STAM: variants seen among roughly 807,000 people sequenced by gnomAD.
STAM encodes signal transducing adapter molecule 1.
In STAM, 16 loss-of-function variants were observed where a neutral mutation model predicts 63.4. That is an observed-to-expected ratio of 0.25 (90% CI 0.17 to 0.38). The LOEUF (loss-of-function observed/expected upper bound fraction) is 0.38, where lower values mean the gene tolerates loss of function less well. Among genes scored for constraint, STAM ranks in the 10% least tolerant of loss-of-function variants. STAM has a pLI of 1.00. For missense variants in STAM, 636 were observed against 657.1 expected, an observed-to-expected ratio of 0.97 and a Z score of 0.35; for synonymous variants, 238 against 223.9, an observed-to-expected ratio of 1.06 and a Z score of -0.56.
intron 12 of STAM, among the ~76,000 whole-genome samples, chr10:17,708,214 C>T (rs1452065972): frequency 1.3e-5 from 2 of 152,124 alleles, no homozygotes; most frequent in Non-Finnish European, 2.9e-5. Flanking sequence ...TTTATCAGAA[C>T]ACAGCCACTC....
intron 13 of STAM, among the ~76,000 whole-genome samples, chr10:17,709,177 C>G (rs1836443040): frequency 6.6e-6 from 1 of 152,088 alleles, no homozygotes; most frequent in East Asian, 1.9e-4. Context: ...TGGTTTCAGC[C>G]TTATATTTTT....
intron 2 of STAM, among the ~76,000 whole-genome samples, chr10:17,665,869 T>G (rs535967258): frequency 3.6e-4 from 55 of 152,244 alleles, no homozygotes; most frequent in African/African-American, 1.3e-3. Context: ...ATTCACATGA[T>G]TTCTACTGCG....
intron 2 of STAM, among the ~76,000 whole-genome samples, chr10:17,664,156 A>G (rs944991795): frequency 6.6e-6 from 1 of 152,088 alleles, no homozygotes; most frequent in East Asian, 1.9e-4. Context: ...GCGTTTACAG[A>G]ATTGGGTTAC....
intron 12 of STAM, among the ~76,000 whole-genome samples, chr10:17,706,804 G>A (rs1432910906): frequency 1.3e-5 from 2 of 151,644 alleles, no homozygotes; most frequent in Non-Finnish European, 2.9e-5. Context: ...AAGTAGTTTC[G>A]TAAAAAACAC....
At chr10:17,681,505 C>T (rs571884345) in intron 2 of STAM, among the ~76,000 whole-genome samples, 7 of 152,034 alleles carry the variant, frequency 4.6e-5, no homozygotes, top group Admixed American at 3.9e-4. Context: ...CATTGTTTAT[C>T]ATGTGTAATA....
intron 1 of STAM, among the ~76,000 whole-genome samples, chr10:17,656,898 G>A (rs1226269977): frequency 6.6e-6 from 1 of 152,178 alleles, no homozygotes; most frequent in Non-Finnish European, 1.5e-5. Context: ...GAGTAAGTGC[G>A]GTTTTTAACT....
intron 5 of STAM, among the ~76,000 whole-genome samples, chr10:17,690,593 T>C (rs1554826665): frequency 2.0e-5 from 3 of 152,336 alleles, no homozygotes; most frequent in Non-Finnish European, 2.9e-5. Context: ...ACTGCAGAAC[T>C]CCCTGTAGAT....
At chr10:17,650,197 C>CT (rs782629968) in intron 1 of STAM, among the ~76,000 whole-genome samples, 1 of 152,180 alleles carries the variant, frequency 6.6e-6, no homozygotes, top group Non-Finnish European at 1.5e-5. Flanking sequence ...AGACCTTGGG[C>CT]TTTGGGCTTA....
intron 6 of STAM, among the ~76,000 whole-genome samples, chr10:17,694,762 T>G (rs1220604556): frequency 6.6e-6 from 1 of 152,170 alleles, no homozygotes; most frequent in Non-Finnish European, 1.5e-5. Context: ...GAAAAGTAGA[T>G]TTAAGAGTTT....
Position 17,708,861 on chromosome 10 carries a change from C to T in STAM, c.1295C>T (p.Pro432Leu), listed in dbSNP as rs368324610. ...MSHLQSYSLP[P>L]EQLSSLSQAV... ...CACCTCCAGAGCTACAGTCTTCCCC[C>T]GGAGCAGCTGTCTTCTCTCAGCCAG... The change falls in exon 13 of 14, where the codon CCG becomes CTG. Residue 432 changes from proline to leucine, a missense_variant. By Grantham distance (98) the Pro-to-Leu change is moderately conservative. This residue lies in a region of STAM where 532 missense variants were observed against 536.9 expected (regional missense o/e 0.99). Coordinates refer to ENST00000377524, the MANE Select transcript of STAM (RefSeq NM_003473.4). 1.8e-4 allele frequency: 298 copies of T among 1,614,062 alleles called. 1 individual carries two copies. The highest frequency in any genetic ancestry group is 3.3e-4 in the Middle Eastern group (2 of 6,084).
chr10:17,700,912 A>G (rs1452007180), intron 9 of STAM, among the ~76,000 whole-genome samples: 6 of 152,260 alleles, frequency 3.9e-5, no homozygotes, highest in African/African-American at 1.4e-4. Context: ...CAGTGCTAAT[A>G]TATTGAATAT....
intron 2 of STAM, among the ~76,000 whole-genome samples, chr10:17,679,418 C>T (rs1467471695): frequency 1.3e-5 from 2 of 151,938 alleles, no homozygotes; most frequent in African/African-American, 2.4e-5. Context: ...GGTTGTTGTT[C>T]GTTGTTGAGA....
chr10:17,657,014 C>G (rs1833966458), intron 1 of STAM, among the ~76,000 whole-genome samples: 1 of 152,150 alleles, frequency 6.6e-6, no homozygotes, highest in Non-Finnish European at 1.5e-5. Context: ...TGAGCATGCA[C>G]AGTGTGTTTA....
intron 13 of STAM, among the ~76,000 whole-genome samples, chr10:17,712,886 C>T (rs1554830228): frequency 6.6e-6 from 1 of 151,968 alleles, no homozygotes. Context: ...GGTAGGGAAG[C>T]TCAGTACGTG....
intron 2 of STAM, among the ~76,000 whole-genome samples, chr10:17,684,449 C>T (rs1835212880): frequency 6.6e-6 from 1 of 151,800 alleles, no homozygotes; most frequent in Admixed American, 6.6e-5. Context: ...CCAGAATTAG[C>T]CTGAAATGCC....
intron 13 of STAM, 82 bp downstream of exon 13, chr10:17,709,033 C>G: frequency 6.7e-7 from 1 of 1,488,860 alleles, no homozygotes; most frequent in Non-Finnish European, 9.1e-7. Flanking sequence ...ACTATAAAAT[C>G]TGGCTAATAA....
intron 5 of STAM, among the ~76,000 whole-genome samples, chr10:17,690,728 A>G (rs1489894456): frequency 6.6e-6 from 1 of 152,222 alleles, no homozygotes. Flanking sequence ...ATCTGAGTAC[A>G]GAAGAAAATA....
At chr10:17,650,804 G>A (rs1833708040) in intron 1 of STAM, among the ~76,000 whole-genome samples, 1 of 152,120 alleles carries the variant, frequency 6.6e-6, no homozygotes, top group Non-Finnish European at 1.5e-5. Flanking sequence ...GGTGGCTCAC[G>A]CCTATAATCC....
chr10:17,656,111 A>G (rs2264643), intron 1 of STAM, among the ~76,000 whole-genome samples: 150,915 of 151,956 alleles, frequency 0.99, 74,946 homozygotes, highest in East Asian at 1. Context: ...TGGCTAACAC[A>G]GTGAAACCCG....
Sources: allele counts gnomAD v4.1 joint callset (sites outside exome capture counted in the v4.1 genomes callset), GRCh38; gene constraint gnomAD v4.1.1; regional missense constraint gnomAD v4.1.1; transcripts MANE v1.5; gene names NCBI Gene and HGNC (gene_info 2026-07-23, HGNC 2026-07-21).